Variants in SLC35F4 observed in about 807,000 individuals in gnomAD.
SLC35F4 encodes solute carrier family 35 member F4.
In SLC35F4, 24 loss-of-function variants were observed where a neutral mutation model predicts 44.2. That is an observed-to-expected ratio of 0.54 (90% CI 0.39 to 0.76). The LOEUF is 0.76. SLC35F4 is among the 30% of genes least tolerant of loss of function. SLC35F4 has a pLI of 0.00. For synonymous variants in SLC35F4, 238 were observed against 223.6 expected (o/e 1.06, Z -0.57); for missense variants, 562 against 586.1 (o/e 0.96, Z 0.42).
At chr14:57,773,847 A>G (rs941265332) in intron 1 of SLC35F4, among the ~76,000 whole-genome samples, 19 of 152,172 alleles carry the variant, frequency 1.2e-4, no homozygotes, top group African/African-American at 4.1e-4. Context: ...GCCCTGAGAA[A>G]TTGGTATGCA....
chr14:57,694,354 C>A (rs1312335954), intron 1 of SLC35F4, among the ~76,000 whole-genome samples: 5 of 152,142 alleles, frequency 3.3e-5, no homozygotes, highest in African/African-American at 1.2e-4. Flanking sequence ...TTGTGTGATA[C>A]AGTTGTACAT....
chr14:57,914,796 C>A (rs1889284540), intron 1 of SLC35F4, among the ~76,000 whole-genome samples: 2 of 152,154 alleles, frequency 1.3e-5, no homozygotes, highest in Admixed American at 1.3e-4. Context: ...GTAGCCCTGC[C>A]CCTATGGCTT....
downstream of SLC35F4, among the ~76,000 whole-genome samples, chr14:57,972,359 C>T (rs540764366): frequency 3.4e-4 from 52 of 152,174 alleles, no homozygotes; most frequent in African/African-American, 1.2e-3. Context: ...GAAGAGGCTA[C>T]AGCACTGGTC....
chr14:57,586,033 A>T (rs2069689131), intron 3 of SLC35F4, among the ~76,000 whole-genome samples: 1 of 152,208 alleles, frequency 6.6e-6, no homozygotes, highest in Admixed American at 6.5e-5. Context: ...AATCCTAAGT[A>T]AAAAGAACAA....
chr14:57,820,222 C>T (rs549557483), intron 1 of SLC35F4, among the ~76,000 whole-genome samples: 10 of 152,232 alleles, frequency 6.6e-5, no homozygotes, highest in Middle Eastern at 3.4e-3. Flanking sequence ...TTTCTATAAA[C>T]ACATACACAC....
At chr14:57,910,045 A>T (rs1004775657) in intron 1 of SLC35F4, among the ~76,000 whole-genome samples, 65 of 152,060 alleles carry the variant, frequency 4.3e-4, no homozygotes, top group African/African-American at 1.5e-3. Flanking sequence ...TTCCCTAATG[A>T]TATATGATCT....
At chr14:57,803,581 T>C (rs1461369290) in intron 1 of SLC35F4, among the ~76,000 whole-genome samples, 1 of 136,194 alleles carries the variant, frequency 7.3e-6, no homozygotes, top group South Asian at 2.3e-4. Context: ...AAAAGCTTCT[T>C]CTTTTTTTTT....
At chr14:57,902,301 C>T (rs1388781271) in intron 1 of SLC35F4, among the ~76,000 whole-genome samples, 10 of 152,218 alleles carry the variant, frequency 6.6e-5, no homozygotes, top group Non-Finnish European at 1.3e-4. Context: ...CGGTGGCTCA[C>T]GCCTGTAATC....
intron 1 of SLC35F4, among the ~76,000 whole-genome samples, chr14:57,942,725 A>G (rs893573564): frequency 2.0e-5 from 3 of 152,202 alleles, no homozygotes; most frequent in African/African-American, 7.2e-5. Flanking sequence ...CACGACTTAT[A>G]CTGCCTAAAA....
chr14:57,574,502 C>T (rs1336797485), intron 4 of SLC35F4, among the ~76,000 whole-genome samples: 2 of 152,134 alleles, frequency 1.3e-5, no homozygotes, highest in African/African-American at 4.8e-5. Flanking sequence ...TTCTCCATGA[C>T]ATGAGCAGTA....
At chr14:57,664,763 T>A (rs185667674) in intron 1 of SLC35F4, among the ~76,000 whole-genome samples, 3 of 152,332 alleles carry the variant, frequency 2.0e-5, no homozygotes, top group East Asian at 3.9e-4. Context: ...CATGCTTCCG[T>A]CCATGAGTGG....
chr14:57,788,383 C>T (rs141018742), intron 1 of SLC35F4, among the ~76,000 whole-genome samples: 139 of 152,144 alleles, frequency 9.1e-4, no homozygotes, highest in African/African-American at 3.2e-3. Context: ...AATGAAGAAA[C>T]AATGGATTTA....
At position 57,694,949 on chromosome 14, in the gene SLC35F4, AAAT is replaced by A. The variant is rs1331129944; in HGVS notation, c.104-100828_104-100826del. Among the ~76,000 whole-genome samples, 8 of 152,282 alleles carry A rather than the reference AAAT, an allele frequency of 5.3e-5. No homozygotes were observed. The South Asian group carries it at 1.7e-3, about 32-fold the overall frequency. On this transcript the variant is annotated intron_variant, in intron 1 of 7. Transcript: ENST00000556826. ...AGTTCTTTTGGATTTTCTATGTACAAAATAATATCATGTGTAAATAATGAGGAT... is the reference window on the plus strand; with the variant it reads ...AGTTCTTTTGGATTTTCTATGTACAAAATATCATGTGTAAATAATGAGGAT...
At chr14:57,611,600 A>AC (rs1291624727) in intron 1 of SLC35F4, among the ~76,000 whole-genome samples, 11 of 151,378 alleles carry the variant, frequency 7.3e-5, no homozygotes, top group African/African-American at 1.2e-4. Flanking sequence ...AAAAAAAAAC[A>AC]AAAAAAAGAG....
At chr14:57,767,697 AG>A (rs1321330908) in intron 1 of SLC35F4, among the ~76,000 whole-genome samples, 2 of 152,158 alleles carry the variant, frequency 1.3e-5, no homozygotes, top group Non-Finnish European at 2.9e-5. Flanking sequence ...AATTGAAAAT[AG>A]GTAAATAATA....
At chr14:57,781,858 T>C (rs1366808474) in intron 1 of SLC35F4, among the ~76,000 whole-genome samples, 4 of 152,038 alleles carry the variant, frequency 2.6e-5, no homozygotes, top group African/African-American at 7.2e-5. Flanking sequence ...GGGAGTTAAA[T>C]GATGAGAACA....
chr14:57,820,731 C>T (rs1266336594), intron 1 of SLC35F4, among the ~76,000 whole-genome samples: 1 of 152,114 alleles, frequency 6.6e-6, no homozygotes, highest in African/African-American at 2.4e-5. Flanking sequence ...CTGAGTAAGC[C>T]TCTGAGGATT....
At chr14:57,980,191 A>G (rs1881336389) in intron 1 of SLC35F4, among the ~76,000 whole-genome samples, 1 of 152,236 alleles carries the variant, frequency 6.6e-6, no homozygotes, top group African/African-American at 2.4e-5. Flanking sequence ...GCCAAGACTG[A>G]ACAGCCTAGA....
intron 1 of SLC35F4, among the ~76,000 whole-genome samples, chr14:57,925,520 AG>A: frequency 3.6e-5 from 1 of 27,966 alleles, no homozygotes; most frequent in African/African-American, 1.7e-4. Context: ...GGAGGGAGGG[AG>A]GGAGGGAGGG....
Sources: allele counts gnomAD v4.1 joint callset (sites outside exome capture counted in the v4.1 genomes callset), GRCh38; gene constraint gnomAD v4.1.1; transcripts MANE v1.5; gene names NCBI Gene and HGNC (gene_info 2026-07-23, HGNC 2026-07-21).